The following TFDP2 variants were observed in gnomAD, a reference collection of about 807,000 sequenced individuals.
TFDP2 encodes transcription factor Dp-2 (E2F dimerization partner 2).
In TFDP2, 17 loss-of-function variants were observed where a neutral mutation model predicts 59.3. The ratio of observed to expected loss-of-function variants is 0.29; its 90% CI spans 0.20 to 0.43. The LOEUF is 0.43. Among genes scored for constraint, TFDP2 ranks in the 20% least tolerant of loss-of-function variants. TFDP2 has a pLI of 1.00. For synonymous variants in TFDP2, 180 were observed against 194.7 expected (o/e 0.92, Z 0.63); for missense variants, 391 against 528.8 (o/e 0.74, Z 2.56).
chr3:142,051,924 GA>G (rs1447239264), intron 3 of TFDP2, among the ~76,000 whole-genome samples: 1 of 151,906 alleles, frequency 6.6e-6, no homozygotes, highest in African/African-American at 2.4e-5. Flanking sequence ...CCAAGAGTTC[GA>G]GACCAGCCTA....
intron 4 of TFDP2, among the ~76,000 whole-genome samples, chr3:142,004,033 T>G (rs966253327): frequency 3.0e-4 from 45 of 152,312 alleles, no homozygotes; most frequent in African/African-American, 1.1e-3. Context: ...AAATGCAGAT[T>G]TTTAAGTCAG....
In TFDP2 at chr3:142,121,901, A is replaced by G. The variant is rs111503165; in HGVS notation, c.-92-20060T>C. ...CATTTCTGAGGTTCTAGTCTGACCT[A>G]GGCAATCTAAAGAAGGGGAAAGAAA... On this transcript the variant is annotated intron_variant, in intron 1 of 12. Transcript: ENST00000489671. This position sits in a 1 kb window ranked among gnomAD's most constrained non-coding sequence, Gnocchi z 4.3. Among the ~76,000 whole-genome samples the G allele has an allele frequency of 9.3e-4, 141 of 152,258 alleles. 1 individual carries two copies. Among genetic ancestry groups the G allele is most frequent in the African/African-American group, 3.3e-3 (138 of 41,556 alleles).
intron 1 of TFDP2, among the ~76,000 whole-genome samples, chr3:142,120,506 A>G (rs2062013342): frequency 6.6e-6 from 1 of 152,256 alleles, no homozygotes; most frequent in Non-Finnish European, 1.5e-5. Flanking sequence ...GCATGAACCC[A>G]TAAATTAGAT....
Position 142,137,179 on chromosome 3 carries a change from C to G in TFDP2, c.-93+12004G>C, listed in dbSNP as rs1007498916. ...TTGGGAGTTCACTCGTGATTTGGCTCTCTGTCTGTTATTGGTGTGTAGGAA... is the reference window on the plus strand; with the variant it reads ...TTGGGAGTTCACTCGTGATTTGGCTGTCTGTCTGTTATTGGTGTGTAGGAA... On this transcript the variant is annotated intron_variant, in intron 1 of 12. Coordinates refer to ENST00000489671, the MANE Select transcript of TFDP2 (RefSeq NM_001178139.2). Among the ~76,000 whole-genome samples, 9 of 151,886 alleles carry G rather than the reference C, an allele frequency of 5.9e-5. 1 individual carries two copies. The highest frequency in any genetic ancestry group is 1.2e-4 in the Non-Finnish European group (8 of 67,900).
intron 3 of TFDP2, among the ~76,000 whole-genome samples, chr3:142,041,518 G>T (rs1456255350): frequency 6.6e-6 from 1 of 152,218 alleles, no homozygotes; most frequent in Admixed American, 6.5e-5. Context: ...CATGTAAGAC[G>T]TGACTTTGTT....
chr3:142,148,718 C>T (rs976191028), intron 1 of TFDP2, among the ~76,000 whole-genome samples: 2 of 152,226 alleles, frequency 1.3e-5, no homozygotes, highest in Non-Finnish European at 2.9e-5. Context: ...AAGCGATCCT[C>T]TACTTCAGAG....
intron 3 of TFDP2, among the ~76,000 whole-genome samples, chr3:142,015,448 C>G (rs1189714528): frequency 2.0e-5 from 3 of 152,118 alleles, no homozygotes; most frequent in African/African-American, 7.2e-5. Flanking sequence ...TAAATGAAAA[C>G]TCTATTCTTC....
chr3:141,950,921 A>G lies in TFDP2; in HGVS notation c.*1592T>C, dbSNP rs1318738131. On this transcript the variant is annotated 3_prime_UTR_variant, in exon 13 of 13. Coordinates refer to ENST00000489671, the MANE Select transcript of TFDP2 (RefSeq NM_001178139.2). The stretch of plus-strand genomic sequence containing the variant: ...CAGAATGAAACTTTTGTATCAAAGG[A>G]GCTTCAGCTAAAGTTGAATGTTTTT... 6.6e-6 allele frequency: 1 copy of G among 152,210 alleles called. No individual in the cohort carries two copies. Among genetic ancestry groups the G allele is most frequent in the East Asian group, 1.9e-4 (1 of 5,208 alleles). The allele number at this position is 152,210 out of a possible 1,614,324, so 9.4% of individuals were successfully genotyped here. A position where few individuals can be genotyped will look rare whatever the true frequency, so the allele number is the denominator to read the frequency against.
At chr3:141,973,115 A>ATTT (rs1940040793) in intron 8 of TFDP2, among the ~76,000 whole-genome samples, 2 of 91,922 alleles carry the variant, frequency 2.2e-5, no homozygotes, top group African/African-American at 4.0e-5. Flanking sequence ...ATATATATAT[A>ATTT]TATATATATT....
chr3:142,113,816 A>G (rs1274334726), intron 1 of TFDP2, among the ~76,000 whole-genome samples: 1 of 152,180 alleles, frequency 6.6e-6, no homozygotes, highest in African/African-American at 2.4e-5. Flanking sequence ...TGAAAATGAA[A>G]CAACTGTATA....
At chr3:142,090,815 C>G (rs1467902804) in intron 3 of TFDP2, 2 of 152,292 alleles carry the variant, frequency 1.3e-5, no homozygotes, top group African/African-American at 2.4e-5. Context: ...CCCACCTTGG[C>G]CCCCCAAAGT....
chr3:142,105,272 C>G (rs1271018766), intron 1 of TFDP2, among the ~76,000 whole-genome samples: 1 of 152,070 alleles, frequency 6.6e-6, no homozygotes, highest in African/African-American at 2.4e-5. Context: ...TATTGCCTAC[C>G]CAATATCATT....
intron 3 of TFDP2, among the ~76,000 whole-genome samples, chr3:142,031,033 C>T (rs1426187410): frequency 1.3e-5 from 2 of 152,096 alleles, no homozygotes; most frequent in Non-Finnish European, 2.9e-5. Flanking sequence ...TGAGCCACCG[C>T]GCCCGGCGTA....
In TFDP2 at chr3:141,951,130, C is replaced by T. The variant is rs1935897878; in HGVS notation, c.*1383G>A. 6.6e-6 allele frequency: 1 copy of T among 152,184 alleles called. No homozygotes were observed. The highest frequency in any genetic ancestry group is 1.5e-5 in the Non-Finnish European group (1 of 68,042). The allele number at this position is 152,184 out of a possible 1,614,324, so 9.4% of individuals were successfully genotyped here. A position where few individuals can be genotyped will look rare whatever the true frequency, so the allele number is the denominator to read the frequency against. ...CCATGCTTGGTGCATCTAGCATAAT[C>T]TTGGGACAAATCCACATGATTCAGG... is the stretch of plus-strand genomic sequence containing the variant. On this transcript the variant is annotated 3_prime_UTR_variant, in exon 13 of 13. Coordinates refer to ENST00000489671, the MANE Select transcript of TFDP2 (RefSeq NM_001178139.2).
intron 3 of TFDP2, among the ~76,000 whole-genome samples, chr3:142,083,519 G>C (rs1213412007): frequency 6.6e-6 from 1 of 151,970 alleles, no homozygotes. Flanking sequence ...AATTTATATA[G>C]AGCCACAATA....
At chr3:142,034,090 CTT>C (rs34769821) in intron 3 of TFDP2, among the ~76,000 whole-genome samples, 107 of 93,742 alleles carry the variant, frequency 1.1e-3, no homozygotes, top group Middle Eastern at 0.013. Context: ...TTTGCACCAA[CTT>C]TTTTTTTTTT....
At chr3:142,076,701 T>C (rs1423388567) in intron 3 of TFDP2, among the ~76,000 whole-genome samples, 1 of 152,224 alleles carries the variant, frequency 6.6e-6, no homozygotes, top group Non-Finnish European at 1.5e-5. Flanking sequence ...TCTAAGATTA[T>C]GACTTAACAT....
rs61576382 is a variant in TFDP2 at position 142,040,114 on chromosome 3, AACACACACAC to A, written c.83-34580_83-34571del. ...AAATTATAAGACATACACAAAATAA[AACACACACAC>A]ACACACACACACACAGGCATGCACA... On this transcript the variant is annotated intron_variant, in intron 3 of 12. Transcript: ENST00000489671. Among the ~76,000 whole-genome samples, 642 of 150,418 alleles carry A rather than the reference AACACACACAC, an allele frequency of 4.3e-3. 2 individuals are homozygous for A. The highest frequency in any genetic ancestry group is 0.02 in the Middle Eastern group (6 of 294).
intron 4 of TFDP2, among the ~76,000 whole-genome samples, chr3:142,000,929 C>G (rs1280294893): frequency 6.6e-6 from 1 of 152,212 alleles, no homozygotes; most frequent in Non-Finnish European, 1.5e-5. Context: ...CAGGGGCCCC[C>G]ACCCCCATGA....
Sources: allele counts gnomAD v4.1 joint callset (sites outside exome capture counted in the v4.1 genomes callset), GRCh38; gene constraint gnomAD v4.1.1; non-coding constraint Gnocchi (gnomAD v3.1); transcripts MANE v1.5; gene names NCBI Gene and HGNC (gene_info 2026-07-23, HGNC 2026-07-21).